The following TACR3 variants were observed in gnomAD, a reference collection of about 807,000 sequenced individuals.
TACR3 encodes tachykinin receptor 3.
Under a neutral mutation model 35.0 loss-of-function variants are expected in TACR3, and 34 were observed. That is an observed-to-expected ratio of 0.97 (90% confidence interval 0.74 to 1.30). The LOEUF (loss-of-function observed/expected upper bound fraction) is 1.30, where lower values mean the gene tolerates loss of function less well. Among genes scored for constraint, TACR3 ranks in the 50% most tolerant of loss-of-function variants. TACR3 has a pLI of 0.00. For missense variants in TACR3, 558 were observed against 591.7 expected, an observed-to-expected ratio of 0.94 and a Z score of 0.59; for synonymous variants, 233 against 221.1, an observed-to-expected ratio of 1.05 and a Z score of -0.48.
chr4:103,706,312 A>T (rs1029118385), intron 1 of TACR3, among the ~76,000 whole-genome samples: 2 of 152,180 alleles, frequency 1.3e-5, no homozygotes, highest in Admixed American at 6.5e-5. Flanking sequence ...TATATTTGTG[A>T]ATTATTTGCT....
In TACR3 at chr4:103,717,336, G is replaced by A. The variant is rs189026287; in HGVS notation, c.548+1792C>T. ...TATGCTTCAGATTTTATAGCATATT[G>A]TATACTCTAAATTTGTTAATAGTTT... On this transcript the variant is annotated intron_variant, in intron 1 of 4. Coordinates refer to ENST00000304883, the MANE Select transcript of TACR3 (RefSeq NM_001059.3). Among the ~76,000 whole-genome samples, 150 of 151,814 alleles carry A rather than the reference G, an allele frequency of 9.9e-4. 1 individual carries two copies. Among genetic ancestry groups the A allele is most frequent in the African/African-American group, 3.5e-3 (145 of 41,390 alleles).
intron 3 of TACR3, among the ~76,000 whole-genome samples, chr4:103,601,540 T>C (rs1448489545): frequency 1.3e-5 from 2 of 152,190 alleles, no homozygotes; most frequent in African/African-American, 4.8e-5. Flanking sequence ...TTCCTTTCCA[T>C]GTTTAGTGCT....
intron 1 of TACR3, among the ~76,000 whole-genome samples, chr4:103,687,054 A>G (rs971636677): frequency 6.6e-6 from 1 of 152,120 alleles, no homozygotes; most frequent in African/African-American, 2.4e-5. Context: ...CACCATGATC[A>G]AGTGGGCTTC....
intron 1 of TACR3, among the ~76,000 whole-genome samples, chr4:103,711,396 T>A (rs961043281): frequency 1.3e-5 from 2 of 152,078 alleles, no homozygotes; most frequent in African/African-American, 4.8e-5. Context: ...AAAAAGCACA[T>A]GGGTTATCTC....
intron 1 of TACR3, among the ~76,000 whole-genome samples, chr4:103,687,433 G>A (rs373820230): frequency 2.9e-4 from 44 of 152,128 alleles, no homozygotes; most frequent in East Asian, 1.2e-3. Flanking sequence ...AGGGTATTCA[G>A]TTAGGAAAAG....
intron 3 of TACR3, among the ~76,000 whole-genome samples, chr4:103,651,052 G>C (rs74906036): frequency 0.076 from 4,424 of 58,250 alleles, 463 homozygotes; most frequent in African/African-American, 0.24. Flanking sequence ...ATAAAATAAT[G>C]ACCACCTGGC....
At chr4:103,716,825 A>G (rs1434586077) in intron 1 of TACR3, among the ~76,000 whole-genome samples, 1 of 152,202 alleles carries the variant, frequency 6.6e-6, no homozygotes, top group Non-Finnish European at 1.5e-5. Flanking sequence ...AAAACACTCA[A>G]AATTAAATAA....
At chr4:103,663,452 T>G (rs1725875796) in intron 1 of TACR3, among the ~76,000 whole-genome samples, 1 of 152,076 alleles carries the variant, frequency 6.6e-6, no homozygotes, top group Admixed American at 6.6e-5. Context: ...AGAGATCACA[T>G]CACTGCCCTC....
At chr4:103,686,269 A>G (rs933435243) in intron 1 of TACR3, among the ~76,000 whole-genome samples, 33 of 152,296 alleles carry the variant, frequency 2.2e-4, no homozygotes, top group African/African-American at 7.5e-4. Context: ...TCTGAATTTT[A>G]TAAGCATTCC....
Position 103,590,200 on chromosome 4 carries a change from G to A in TACR3, c.1086-206C>T, listed in dbSNP as rs150702614. ...TTGAATCTTAATTTCCCATTAATGA[G>A]AAGCATTGATTCCCAGCAATGAAAA... is the stretch of plus-strand genomic sequence containing the variant. On this transcript the variant is annotated intron_variant, in intron 4 of 4. Transcript: ENST00000304883. 0.015 allele frequency among the ~76,000 whole-genome samples: 2,211 copies of A among 152,182 alleles called. 48 individuals are homozygous for A. Among genetic ancestry groups the A allele is most frequent in the African/African-American group, 0.051 (2,104 of 41,520 alleles).
rs1198995079 is a variant in TACR3, at chr4:103,697,390, ATTTATTTATTTG to A, written c.548+21726_548+21737del. ...GTTGTTGGGGGCACTTGTGTTATTT[ATTTATTTATTTG>A]TTTATTTATTTATTTATTTATTTAT... On this transcript the variant is annotated intron_variant, in intron 1 of 4. Transcript: ENST00000304883. 1.6e-3 allele frequency among the ~76,000 whole-genome samples: 234 copies of A among 142,496 alleles called. 1 individual carries two copies. Among genetic ancestry groups the A allele is most frequent in the African/African-American group, 6.4e-3 (224 of 34,942 alleles). 93.5% of individuals were successfully genotyped at this position (142,496 alleles called of 152,430 possible).
At chr4:103,684,246 A>C (rs1300074510) in intron 1 of TACR3, among the ~76,000 whole-genome samples, 1 of 152,176 alleles carries the variant, frequency 6.6e-6, no homozygotes, top group Non-Finnish European at 1.5e-5. Context: ...ATGGATAGGC[A>C]TACAGATTCA....
chr4:103,691,476 A>G (rs1391457242), intron 1 of TACR3, among the ~76,000 whole-genome samples: 1 of 152,188 alleles, frequency 6.6e-6, no homozygotes, highest in Non-Finnish European at 1.5e-5. Context: ...AAATAAGAGC[A>G]TAAAGGCTTT....
chr4:103,620,092 A>T (rs921144030), intron 3 of TACR3, among the ~76,000 whole-genome samples: 1 of 152,218 alleles, frequency 6.6e-6, no homozygotes, highest in African/African-American at 2.4e-5. Flanking sequence ...AAAGAACATG[A>T]ACAGACATTT....
In TACR3 at chr4:103,695,711, C is replaced by CTCTGTG. The variant is rs142176586; in HGVS notation, c.548+23416_548+23417insCACAGA. Among the ~76,000 whole-genome samples, 623 of 146,188 alleles carry CTCTGTG rather than the reference C, an allele frequency of 4.3e-3. 6 individuals carry two copies. The highest frequency in any genetic ancestry group is 0.022 in the East Asian group (107 of 4,950). ...ACAGAATATAGATATGTCTCTCTCTCTGTGTGTGTGTGTGTGTGTGTGTGT... is the reference window on the plus strand; with the variant it reads ...ACAGAATATAGATATGTCTCTCTCTCTCTGTGTGTGTGTGTGTGTGTGTGTGTGTGT... On this transcript the variant is annotated intron_variant, in intron 1 of 4. Transcript: ENST00000304883.
chr4:103,697,310 ACACT>A (rs1722541097), intron 1 of TACR3, among the ~76,000 whole-genome samples: 1 of 152,172 alleles, frequency 6.6e-6, no homozygotes. Flanking sequence ...CTTTATGCAA[ACACT>A]CACAGTTAAT....
chr4:103,614,889 T>G (rs1018958653), intron 3 of TACR3, among the ~76,000 whole-genome samples: 5 of 100,718 alleles, frequency 5.0e-5, no homozygotes, highest in Admixed American at 1.8e-4. Flanking sequence ...AATGTGTTTT[T>G]TTTTTTTTTT....
At chr4:103,691,630 C>A (rs747430614) in intron 1 of TACR3, among the ~76,000 whole-genome samples, 1 of 152,148 alleles carries the variant, frequency 6.6e-6, no homozygotes, top group Non-Finnish European at 1.5e-5. Context: ...TGGCCATAAA[C>A]AAAATCTCTG....
At chr4:103,599,118 C>T (rs1056440968) in intron 3 of TACR3, among the ~76,000 whole-genome samples, 2 of 152,152 alleles carry the variant, frequency 1.3e-5, no homozygotes, top group Admixed American at 1.3e-4. Flanking sequence ...TTTGTATCCT[C>T]TTTTATTTCA....
Sources: gnomAD v4.1 joint callset for allele counts (sites outside exome capture counted in the v4.1 genomes callset) on GRCh38, gnomAD v4.1.1 for gene constraint, MANE v1.5 for transcripts, NCBI Gene and HGNC (gene_info 2026-07-23, HGNC 2026-07-21) for gene names.